Variants in TMEM163 observed in about 807,000 individuals in gnomAD.
TMEM163 encodes the protein transmembrane protein 163.
In TMEM163, 17 loss-of-function variants were observed where a neutral mutation model predicts 29.3. The ratio of observed to expected loss-of-function variants is 0.58; its 90% CI spans 0.40 to 0.87. TMEM163 has a LOEUF of 0.87. TMEM163 is among the 40% of genes least tolerant of loss of function. The probability of loss-of-function intolerance (pLI) is 0.00; values close to 1 mark genes in which losing one functional copy is unlikely to be tolerated. For synonymous variants in TMEM163, 157 were observed against 160.6 expected (o/e 0.98, Z 0.17); for missense variants, 303 against 381.5 (o/e 0.79, Z 1.71).
chr2:134,461,407 G>C (rs1411441693), intron 6 of TMEM163, among the ~76,000 whole-genome samples: 1 of 152,212 alleles, frequency 6.6e-6, no homozygotes, highest in African/African-American at 2.4e-5. Flanking sequence ...TTTCAGAGGG[G>C]CTTCTAGATT....
At chr2:134,704,374 C>T (rs1684762429) in intron 2 of TMEM163, among the ~76,000 whole-genome samples, 2 of 152,262 alleles carry the variant, frequency 1.3e-5, no homozygotes, top group Admixed American at 6.5e-5. Flanking sequence ...CACTGAAGGA[C>T]GCTGCCTCCC....
At chr2:134,548,982 A>G (rs1260048170) in intron 4 of TMEM163, among the ~76,000 whole-genome samples, 4 of 152,116 alleles carry the variant, frequency 2.6e-5, no homozygotes, top group Admixed American at 2.6e-4. Flanking sequence ...ATCATTTGAA[A>G]TTTTTAAAAG....
chr2:134,597,261 A>C (rs1157370525), intron 2 of TMEM163, among the ~76,000 whole-genome samples: 1 of 152,208 alleles, frequency 6.6e-6, no homozygotes, highest in Non-Finnish European at 1.5e-5. Context: ...TGTCATAGAT[A>C]GCTCTTATTA....
chr2:134,493,829 C>T (rs1336417188), intron 5 of TMEM163, among the ~76,000 whole-genome samples: 1 of 152,022 alleles, frequency 6.6e-6, no homozygotes, highest in Non-Finnish European at 1.5e-5. Context: ...CCTTTTTGTC[C>T]ATATGGCAAC....
chr2:134,674,235 T>C (rs1055305024), intron 2 of TMEM163, among the ~76,000 whole-genome samples: 16 of 152,084 alleles, frequency 1.1e-4, no homozygotes, highest in Admixed American at 9.2e-4. Context: ...CTTTTGCACT[T>C]AACACATTAC....
chr2:134,652,009 G>T (rs1683491310), intron 2 of TMEM163, among the ~76,000 whole-genome samples: 1 of 134,294 alleles, frequency 7.4e-6, no homozygotes, highest in East Asian at 2.0e-4. Flanking sequence ...TTTGGCTTAG[G>T]ATTGACTTGG....
intron 2 of TMEM163, among the ~76,000 whole-genome samples, chr2:134,574,232 A>T (rs1182241922): frequency 1.3e-5 from 2 of 152,252 alleles, no homozygotes; most frequent in African/African-American, 4.8e-5. Flanking sequence ...ATAGCCAAGC[A>T]TTAAAAGAGC....
chr2:134,625,604 A>T (rs910863385), intron 2 of TMEM163, among the ~76,000 whole-genome samples: 1 of 152,178 alleles, frequency 6.6e-6, no homozygotes, highest in South Asian at 2.1e-4. Context: ...TTTATATGAG[A>T]TGTGGCCTTG....
chr2:134,713,554 A>G (rs1389515321), intron 1 of TMEM163: 2 of 661,256 alleles, frequency 3.0e-6, no homozygotes, highest in Non-Finnish European at 5.5e-6. Flanking sequence ...GCAGGGTAAC[A>G]GCAGCTGTCC....
chr2:134,598,238 T>C, intron 2 of TMEM163, among the ~76,000 whole-genome samples: 1 of 152,212 alleles, frequency 6.6e-6, no homozygotes, highest in East Asian at 1.9e-4. Flanking sequence ...GGTACTCACT[T>C]GGTCCTTCCT....
At chr2:134,539,216 C>T (rs1574219840) in intron 4 of TMEM163, among the ~76,000 whole-genome samples, 1 of 152,122 alleles carries the variant, frequency 6.6e-6, no homozygotes, top group Admixed American at 6.5e-5. Flanking sequence ...TAGGAACAAG[C>T]TGAATCATGC....
chr2:134,718,687 C>A, intron 1 of TMEM163, 47 bp downstream of exon 1: 4 of 1,120,518 alleles, frequency 3.6e-6, no homozygotes, highest in South Asian at 4.1e-5. Flanking sequence ...AGGCGGGCCC[C>A]GAGCAGCCAC....
intron 2 of TMEM163, among the ~76,000 whole-genome samples, chr2:134,660,209 A>G (rs1309091964): frequency 6.6e-6 from 1 of 152,136 alleles, no homozygotes; most frequent in Non-Finnish European, 1.5e-5. Flanking sequence ...TTCAAGTGCA[A>G]TGGAGAAACA....
intron 2 of TMEM163, among the ~76,000 whole-genome samples, chr2:134,624,854 G>T (rs972412514): frequency 2.0e-5 from 3 of 149,340 alleles, no homozygotes; most frequent in Non-Finnish European, 4.5e-5. Flanking sequence ...AGGTTGCTGG[G>T]GGCCGAGATC....
intron 5 of TMEM163, among the ~76,000 whole-genome samples, chr2:134,494,719 T>A (rs1486497969): frequency 6.6e-6 from 1 of 152,154 alleles, no homozygotes; most frequent in Admixed American, 6.5e-5. Context: ...TATAAAGAAA[T>A]TACCATTATT....
At chr2:134,541,758 G>T (rs1469684870) in intron 4 of TMEM163, among the ~76,000 whole-genome samples, 7 of 143,198 alleles carry the variant, frequency 4.9e-5, no homozygotes, top group African/African-American at 1.9e-4. Flanking sequence ...GGATATACGT[G>T]TGTGTACACA....
At chr2:134,478,706 G>A (rs1004366003) in intron 5 of TMEM163, among the ~76,000 whole-genome samples, 10 of 152,178 alleles carry the variant, frequency 6.6e-5, no homozygotes, top group African/African-American at 2.2e-4. Context: ...CTGGGCCCAT[G>A]GTAGGGAAGG....
chr2:134,696,923 C>T (rs1236172532), intron 2 of TMEM163, among the ~76,000 whole-genome samples: 1 of 152,042 alleles, frequency 6.6e-6, no homozygotes, highest in Non-Finnish European at 1.5e-5. Context: ...TTACAGGCAC[C>T]CGCCACCATG....
chr2:134,507,941 A>C (rs1679863023), intron 4 of TMEM163, among the ~76,000 whole-genome samples: 1 of 151,866 alleles, frequency 6.6e-6, no homozygotes, highest in Non-Finnish European at 1.5e-5. Context: ...ACTTCAAAGA[A>C]ATGATTAAAG....
Sources: allele counts gnomAD v4.1 joint callset (sites outside exome capture counted in the v4.1 genomes callset), GRCh38; gene constraint gnomAD v4.1.1; transcripts MANE v1.5; gene names NCBI Gene and HGNC (gene_info 2026-07-23, HGNC 2026-07-21).